The following COX15 variants were observed in gnomAD, a reference collection of about 807,000 sequenced individuals.
The protein encoded by COX15 is heme A synthase COX15.
COX15 carries 51 observed loss-of-function variants against 51.9 expected under a neutral mutation model. The ratio of observed to expected loss-of-function variants is 0.98; its 90% CI spans 0.78 to 1.24. The LOEUF (loss-of-function observed/expected upper bound fraction) is 1.24, where lower values mean the gene tolerates loss of function less well. Ranked by LOEUF, COX15 falls within the 50% of genes most tolerant of loss-of-function variation. The pLI is 0.00. For missense variants in COX15, 420 were observed against 501.1 expected, an observed-to-expected ratio of 0.84 and a Z score of 1.55; for synonymous variants, 188 against 190.5, an observed-to-expected ratio of 0.99 and a Z score of 0.11.
At chr10:99,698,397 T>C in the COX15 span, 3 of 785,178 alleles carry the variant, frequency 3.8e-6, no homozygotes, top group East Asian at 2.7e-5. Flanking sequence ...TGTGATGAAA[T>C]TGCACTCCAT....
chr10:99,715,385 C>T (rs1243829730), intron 8 of COX15, among the ~76,000 whole-genome samples: 1 of 152,050 alleles, frequency 6.6e-6, no homozygotes, highest in East Asian at 1.9e-4. Flanking sequence ...GTAATCCGCC[C>T]ACCTCGGCCT....
At chr10:99,695,650 G>C in the COX15 span, among the ~76,000 whole-genome samples, 1 of 152,124 alleles carries the variant, frequency 6.6e-6, no homozygotes, top group Non-Finnish European at 1.5e-5. Flanking sequence ...GAGGGAATTG[G>C]AAAATACAGA....
chr10:99,721,008 C>A lies in COX15; in HGVS notation c.811G>T (p.Val271Leu). The A allele has an allele frequency of 6.2e-7, 1 of 1,613,706 alleles. No homozygotes were observed. The highest frequency in any genetic ancestry group is 8.5e-7 in the Non-Finnish European group (1 of 1,179,844). ...CTACCTGAGAGGGCCGTAAGGAACA[C>A]CAGACCTGCTGTTCCATGAGCAAAT... ...RRFAHGTAGLVFLTALSGAFV... is the reference protein window; with the variant it reads ...RRFAHGTAGLLFLTALSGAFV... Residue 271 changes from valine to leucine, a missense_variant, in exon 6 of 9, where the codon GTG becomes TTG. Transcript: ENST00000016171.
chr10:99,702,401 G>C, the COX15 span: 3 of 883,066 alleles, frequency 3.4e-6, no homozygotes, highest in Non-Finnish European at 4.9e-6. Context: ...AGGTGAAGCG[G>C]GAGGAGGTAG....
In COX15 at chr10:99,727,144, C is replaced by G. The variant is rs766429756; in HGVS notation, c.406G>C (p.Asp136His). ...QFPEFKILNHDMTLTEFKFIW... is the reference protein window; with the variant it reads ...QFPEFKILNHHMTLTEFKFIW... ...AACTTGAATTCTGTCAGTGTCATAT[C>G]ATGATTCAAGCTGGGTGAAATGGAA... is the stretch of plus-strand genomic sequence containing the variant. Residue 136 changes from aspartate to histidine, a missense_variant, in exon 4 of 9, where the codon GAT becomes CAT. Coordinates refer to ENST00000016171, the MANE Select transcript of COX15 (RefSeq NM_078470.6). 1.2e-4 allele frequency: 187 copies of G among 1,614,038 alleles called. 2 individuals are homozygous for G. In the South Asian group the frequency reaches 2.0e-3, roughly 17 times the overall value.
chr10:99,698,639 T>G, the COX15 span: 7 of 1,614,072 alleles, frequency 4.3e-6, no homozygotes, highest in Non-Finnish European at 8.5e-7. Context: ...AAGTCTTACA[T>G]GTCCGAGGAA....
At chr10:99,704,396 T>G in the COX15 span, 1 of 1,561,178 alleles carries the variant, frequency 6.4e-7, no homozygotes, top group South Asian at 1.1e-5. Context: ...TCAGTAAATG[T>G]CTCCCTTTGA....
chr10:99,708,821 T>TA, downstream of COX15: 1 of 985,450 alleles, frequency 1.0e-6, no homozygotes, highest in South Asian at 4.7e-5. Context: ...ACTGGCCTCC[T>TA]AGCCCAACTA....
downstream of COX15, among the ~76,000 whole-genome samples, chr10:99,708,235 A>G (rs2036289963): frequency 6.6e-6 from 1 of 152,010 alleles, no homozygotes. Flanking sequence ...AATGTCTGCC[A>G]TGCACTTGCT....
chr10:99,700,242 T>A, the COX15 span, among the ~76,000 whole-genome samples: 1 of 152,130 alleles, frequency 6.6e-6, no homozygotes, highest in Non-Finnish European at 1.5e-5. Context: ...AAAAGCGATT[T>A]TTTTCCCTTA....
chr10:99,710,404 A>G (rs979692276), downstream of COX15: 75 of 985,286 alleles, frequency 7.6e-5, no homozygotes, highest in Non-Finnish European at 8.8e-5. Context: ...ACCTTGATCA[A>G]TGGCCTCTGC....
chr10:99,709,905 G>A (rs1279540880), downstream of COX15: 8 of 985,274 alleles, frequency 8.1e-6, no homozygotes, highest in African/African-American at 7.0e-5. Flanking sequence ...TGAGCAATAC[G>A]GAGATCCTTT....
At chr10:99,731,084 A>T (rs1397834137) in intron 1 of COX15, among the ~76,000 whole-genome samples, 1 of 152,174 alleles carries the variant, frequency 6.6e-6, no homozygotes, top group Non-Finnish European at 1.5e-5. Context: ...TTAGAGAAAA[A>T]GATTTTTTTT....
Position 99,714,678 on chromosome 10 carries a change from G to C in COX15, c.1142C>G (p.Thr381Ser), listed in dbSNP as rs1314999406. ...GISTLLMYVPTPLAATHQSGS... is the reference protein window; with the variant it reads ...GISTLLMYVPSPLAATHQSGS... ...TGACTGGTGAGTGGCGGCCAGAGGAGTTGGGACATACATCAGCAGCGTGCT... is the reference window on the plus strand; with the variant it reads ...TGACTGGTGAGTGGCGGCCAGAGGACTTGGGACATACATCAGCAGCGTGCT... The change falls in exon 9 of 9, where the codon ACT becomes AGT. Residue 381 changes from threonine (T) to serine (S), a missense_variant. Thr to Ser is a moderately conservative substitution (Grantham distance 58). Coordinates refer to ENST00000016171, the MANE Select transcript of COX15 (RefSeq NM_078470.6). The C allele has an allele frequency of 6.2e-7, 1 of 1,614,034 alleles. No individual in the cohort carries two copies. The highest frequency in any genetic ancestry group is 1.1e-5 in the South Asian group (1 of 91,076).
At chr10:99,701,777 G>T in the COX15 span, among the ~76,000 whole-genome samples, 5 of 151,858 alleles carry the variant, frequency 3.3e-5, no homozygotes, top group African/African-American at 1.2e-4. Context: ...GCCGGGCATG[G>T]TGGCTCACAC....
At chr10:99,709,921 G>T (rs1378222681), downstream of COX15, 1 of 985,366 alleles carries the variant, frequency 1.0e-6, no homozygotes, top group Non-Finnish European at 1.2e-6. Context: ...CCTTTTATTA[G>T]TAAAACTGAA....
At chr10:99,699,566 A>T in the COX15 span, among the ~76,000 whole-genome samples, 95 of 152,052 alleles carry the variant, frequency 6.2e-4, no homozygotes, top group African/African-American at 2.2e-3. Context: ...ATCTGTCCTC[A>T]TATTTCTTTT....
intron 7 of COX15, 163 bp from the exon 8 acceptor site, chr10:99,716,624 G>A: frequency 1.6e-6 from 1 of 606,864 alleles, no homozygotes; most frequent in South Asian, 1.7e-5. Context: ...TCCACAGGCT[G>A]TCTCTTCCAC....
At chr10:99,698,541 G>A in the COX15 span, 1 of 1,613,064 alleles carries the variant, frequency 6.2e-7, no homozygotes, top group Non-Finnish European at 8.5e-7. Flanking sequence ...CAGATTGCTT[G>A]GTCAGAAGAC....
Sources: allele counts gnomAD v4.1 joint callset (sites outside exome capture counted in the v4.1 genomes callset), GRCh38; gene constraint gnomAD v4.1.1; transcripts MANE v1.5; gene names NCBI Gene and HGNC (gene_info 2026-07-23, HGNC 2026-07-21).